GAB2: variants seen among roughly 807,000 people sequenced by gnomAD.
GAB2 encodes the protein GRB2-associated-binding protein 2.
GAB2 carries 26 observed loss-of-function variants against 65.5 expected under a neutral mutation model. The ratio of observed to expected loss-of-function variants is 0.40; its 90% CI spans 0.29 to 0.55. The LOEUF is 0.55. Ranked by LOEUF, GAB2 falls within the 20% of genes least tolerant of loss-of-function variation. The pLI is 0.53. For missense variants in GAB2, 884 were observed against 875.8 expected, an observed-to-expected ratio of 1.01 and a Z score of -0.12; for synonymous variants, 321 against 329.6, an observed-to-expected ratio of 0.97 and a Z score of 0.28.
chr11:78,390,415 G>T (rs528063139), intron 1 of GAB2, among the ~76,000 whole-genome samples: 1 of 152,080 alleles, frequency 6.6e-6, no homozygotes, highest in African/African-American at 2.4e-5. Context: ...GTGAGATCCC[G>T]TATCTACAAA....
At chr11:78,384,998 T>C (rs111459832) in intron 1 of GAB2, among the ~76,000 whole-genome samples, 4,198 of 152,290 alleles carry the variant, frequency 0.028, 166 homozygotes, top group African/African-American at 0.089. Context: ...AATGATGTAA[T>C]GCAGGATATC....
intron 1 of GAB2, among the ~76,000 whole-genome samples, chr11:78,382,454 C>A (rs1856710701): frequency 2.0e-5 from 3 of 151,710 alleles, no homozygotes; most frequent in Non-Finnish European, 1.5e-5. Context: ...TCTCGGCTCA[C>A]TGCAAGTGCT....
At chr11:78,224,161 G>A (rs1364548760) in intron 5 of GAB2, among the ~76,000 whole-genome samples, 2 of 152,148 alleles carry the variant, frequency 1.3e-5, no homozygotes, top group African/African-American at 2.4e-5. Flanking sequence ...AAGCCTTCAC[G>A]ATCCTTTGGC....
chr11:78,352,190 G>A (rs908306079), intron 1 of GAB2, among the ~76,000 whole-genome samples: 1 of 152,184 alleles, frequency 6.6e-6, no homozygotes, highest in Non-Finnish European at 1.5e-5. Flanking sequence ...TCCAGCCTGG[G>A]CAACAGGACT....
intron 1 of GAB2, among the ~76,000 whole-genome samples, chr11:78,377,549 G>T (rs1002465282): frequency 1.3e-5 from 2 of 152,198 alleles, no homozygotes; most frequent in Non-Finnish European, 2.9e-5. Context: ...GGACCGGCAT[G>T]TTGACCAGGC....
chr11:78,252,931 A>G (rs191419651), intron 2 of GAB2, among the ~76,000 whole-genome samples: 1 of 150,014 alleles, frequency 6.7e-6, no homozygotes, highest in African/African-American at 2.5e-5. Context: ...CTCAGCAACC[A>G]TGTCACGTCA....
At chr11:78,403,500 T>C (rs1023684744) in intron 1 of GAB2, among the ~76,000 whole-genome samples, 10 of 152,212 alleles carry the variant, frequency 6.6e-5, no homozygotes, top group Non-Finnish European at 1.3e-4. Context: ...GTGCAGTTTC[T>C]TCAATAAATG....
intron 1 of GAB2, among the ~76,000 whole-genome samples, chr11:78,341,493 A>G (rs10899479): frequency 0.16 from 24,274 of 152,158 alleles, 2,577 homozygotes; most frequent in East Asian, 0.41. Flanking sequence ...TTTAAGTTCA[A>G]TTCAAATATG....
chr11:78,356,458 T>C (rs886084382), intron 1 of GAB2, among the ~76,000 whole-genome samples: 1 of 152,222 alleles, frequency 6.6e-6, no homozygotes, highest in African/African-American at 2.4e-5. Context: ...AATCAAAACA[T>C]GCAAAACTAC....
chr11:78,221,063 C>A (rs1421068896), intron 8 of GAB2, among the ~76,000 whole-genome samples: 2 of 152,198 alleles, frequency 1.3e-5, no homozygotes, highest in Admixed American at 1.3e-4. Flanking sequence ...GCTCTAGGAT[C>A]CTGTCCATCC....
intron 1 of GAB2, among the ~76,000 whole-genome samples, chr11:78,346,246 C>T (rs1335281296): frequency 1.3e-5 from 2 of 152,122 alleles, no homozygotes; most frequent in African/African-American, 4.8e-5. Context: ...TGTTAAGGCA[C>T]CTTAAATAGG....
At chr11:78,397,736 A>C (rs967231209) in intron 1 of GAB2, among the ~76,000 whole-genome samples, 5 of 152,110 alleles carry the variant, frequency 3.3e-5, no homozygotes, top group African/African-American at 4.8e-5. Context: ...TTCTACATTC[A>C]AGCTGCTTCC....
chr11:78,366,130 A>T (rs1856494175), intron 1 of GAB2, among the ~76,000 whole-genome samples: 1 of 152,248 alleles, frequency 6.6e-6, no homozygotes, highest in Admixed American at 6.5e-5. Context: ...ATTCAATGCA[A>T]ACATTTACTG....
rs146509778 is a variant in GAB2 at position 78,226,926 on chromosome 11, T to A, written c.746A>T (p.Tyr249Phe). Residue 249 changes from tyrosine to phenylalanine, a missense_variant, in exon 4 of 10, where the codon TAT (tyrosine) becomes TTT (phenylalanine). Tyr to Phe is a conservative substitution (Grantham distance 22). Transcript: ENST00000361507. ...GTGCCGGCTCGGCTTGGGAAGGCTA[T>A]AGAAGCCATGGACTTGACCACTGAT... ...NGISGQVHGF[Y>F]SLPKPSRHNT... 7.7e-5 allele frequency: 124 copies of A among 1,613,884 alleles called. No individual in the cohort carries two copies. The East Asian group carries it at 1.7e-3, about 22-fold the overall frequency.
intron 1 of GAB2, among the ~76,000 whole-genome samples, chr11:78,372,117 T>G (rs889456920): frequency 6.6e-6 from 1 of 152,180 alleles, no homozygotes; most frequent in African/African-American, 2.4e-5. Flanking sequence ...GGTATCTGCT[T>G]TTTTTCCTTT....
rs752597583 is a variant in GAB2 at position 78,226,713 on chromosome 11, G to A, written c.959C>T (p.Pro320Leu). 1.9e-6 allele frequency: 3 copies of A among 1,613,850 alleles called. No individual in the cohort carries two copies. Among genetic ancestry groups the A allele is most frequent in the South Asian group, 1.1e-5 (1 of 91,060 alleles). Residue 320 changes from proline (P) to leucine (L), a missense_variant, in exon 4 of 10, where the codon CCA becomes CTA. By Grantham distance (98) the Pro-to-Leu change is moderately conservative. Transcript: ENST00000361507. ...CCTAGGGATCTGGTAGGCTGAGAGT[G>A]GGGTGGCCGGAACATCCATATTGTC... The part of the protein sequence containing the change: ...LVDNMDVPAT[P>L]LSAYQIPRTF...
chr11:78,308,294 G>A (rs1855414817), intron 1 of GAB2, among the ~76,000 whole-genome samples: 1 of 152,154 alleles, frequency 6.6e-6, no homozygotes, highest in South Asian at 2.1e-4. Context: ...GGGCATACGG[G>A]AGGCTGAGGG....
At chr11:78,350,403 C>A (rs1856258407) in intron 1 of GAB2, among the ~76,000 whole-genome samples, 1 of 152,196 alleles carries the variant, frequency 6.6e-6, no homozygotes, top group Admixed American at 6.5e-5. Context: ...GGTTTTTCAA[C>A]TTTTAACAAA....
chr11:78,227,195 C>G (rs981167480), intron 3 of GAB2, 144 bp from the exon 4 acceptor site: 1 of 635,418 alleles, frequency 1.6e-6, no homozygotes, highest in Admixed American at 2.6e-5. Context: ...GTTGTTCAGA[C>G]TCTAGTATAT....
Sources: allele counts gnomAD v4.1 joint callset (sites outside exome capture counted in the v4.1 genomes callset), GRCh38; gene constraint gnomAD v4.1.1; transcripts MANE v1.5; gene names NCBI Gene and HGNC (gene_info 2026-07-23, HGNC 2026-07-21).